Variants in RBFOX1 observed in about 807,000 individuals in gnomAD.
RBFOX1 encodes RNA binding protein fox-1 homolog 1.
In RBFOX1, 8 loss-of-function variants were observed where a neutral mutation model predicts 57.7. The observed-to-expected ratio is 0.14, with a 90% CI of 0.08 to 0.25. The LOEUF is 0.25. RBFOX1 is among the 10% of genes least tolerant of loss of function. The pLI is 1.00. For missense variants in RBFOX1, 611 were observed against 548.5 expected (o/e 1.11, Z -1.14); for synonymous variants, 326 against 222.4 (o/e 1.47, Z -4.15).
chr16:6,994,753 T>C (rs765253406), intron 3 of RBFOX1, among the ~76,000 whole-genome samples: 13 of 152,224 alleles, frequency 8.5e-5, no homozygotes, highest in East Asian at 1.9e-4. Flanking sequence ...AAATGTGTTA[T>C]TATGTTATGC....
At chr16:7,009,261 C>G (rs200559426) in intron 3 of RBFOX1, among the ~76,000 whole-genome samples, 83 of 137,402 alleles carry the variant, frequency 6.0e-4, no homozygotes, top group Admixed American at 1.8e-3. Context: ...TCCTTCCTCT[C>G]CTTCCTCTTC....
At chr16:7,066,736 A>G (rs2056141440) in intron 4 of RBFOX1, among the ~76,000 whole-genome samples, 1 of 152,192 alleles carries the variant, frequency 6.6e-6, no homozygotes, top group Admixed American at 6.5e-5. Flanking sequence ...GGTGGTTGAA[A>G]TCATTTCTTC....
At chr16:7,697,156 G>T (rs1404538259) in intron 14 of RBFOX1, among the ~76,000 whole-genome samples, 1 of 152,218 alleles carries the variant, frequency 6.6e-6, no homozygotes, top group Non-Finnish European at 1.5e-5. Context: ...CAGCACCGAA[G>T]GGCAATGGGG....
rs555318884 is a variant in RBFOX1, at chr16:7,526,745, C to T, written c.270+8356C>T. 3.3e-5 allele frequency among the ~76,000 whole-genome samples: 5 copies of T among 152,330 alleles called. No homozygotes were observed. The South Asian group carries it at 1.0e-3, about 32-fold the overall frequency. On this transcript the variant is annotated intron_variant, in intron 5 of 15. Coordinates refer to ENST00000550418, the MANE Select transcript of RBFOX1 (RefSeq NM_018723.4). Reference sequence around the variant, plus strand: ...CTATATTTTAAGCACTTTCCATGCACAATCTCAACTAATCTTGGCCCTCCC... The same window carrying T: ...CTATATTTTAAGCACTTTCCATGCATAATCTCAACTAATCTTGGCCCTCCC...
At chr16:5,251,885 A>G (rs1413097757) in intron 1 of RBFOX1, among the ~76,000 whole-genome samples, 2 of 152,030 alleles carry the variant, frequency 1.3e-5, no homozygotes, top group Non-Finnish European at 1.5e-5. Flanking sequence ...AATGGAATTA[A>G]CTTCAAGTTT....
chr16:6,778,110 C>T (rs531733488), intron 3 of RBFOX1, among the ~76,000 whole-genome samples: 1 of 152,032 alleles, frequency 6.6e-6, no homozygotes, highest in East Asian at 1.9e-4. Flanking sequence ...GTTGCGAATA[C>T]ATGATCTGGA....
intron 3 of RBFOX1, among the ~76,000 whole-genome samples, chr16:5,623,932 A>T (rs907319100): frequency 2.0e-5 from 3 of 152,214 alleles, no homozygotes; most frequent in Non-Finnish European, 2.9e-5. Flanking sequence ...GAGTTGTGCC[A>T]ACATCAGCAC....
chr16:7,289,608 A>G, intron 4 of RBFOX1, among the ~76,000 whole-genome samples: 1 of 152,044 alleles, frequency 6.6e-6, no homozygotes, highest in East Asian at 1.9e-4. Context: ...CTTTCATCAT[A>G]GTCATCACCA....
intron 4 of RBFOX1, among the ~76,000 whole-genome samples, chr16:5,872,434 C>T (rs1038370786): frequency 1.3e-5 from 2 of 152,116 alleles, no homozygotes; most frequent in African/African-American, 4.8e-5. Context: ...ATGAAATAAT[C>T]AATATGCAAT....
At chr16:7,486,117 CTTTTTTT>C (rs61448458) in intron 4 of RBFOX1, among the ~76,000 whole-genome samples, 2 of 77,302 alleles carry the variant, frequency 2.6e-5, no homozygotes, top group Admixed American at 1.8e-4. Flanking sequence ...GTGTTTGTGT[CTTTTTTT>C]TTTTTTTTTT....
At chr16:7,709,621 G>T (rs990715168) in intron 15 of RBFOX1, 3 of 1,532,176 alleles carry the variant, frequency 2.0e-6, no homozygotes, top group African/African-American at 1.4e-5. Context: ...TAAAGTCATA[G>T]TCGCCCAGGA....
intron 2 of RBFOX1, among the ~76,000 whole-genome samples, chr16:6,530,626 A>G (rs999223179): frequency 6.6e-6 from 1 of 152,174 alleles, no homozygotes; most frequent in African/African-American, 2.4e-5. Flanking sequence ...GAATGGATTC[A>G]CAATTCCACA....
intron 3 of RBFOX1, among the ~76,000 whole-genome samples, chr16:6,674,575 G>C (rs2154114565): frequency 6.6e-6 from 1 of 152,260 alleles, no homozygotes; most frequent in East Asian, 1.9e-4. Flanking sequence ...ACCCACCTCA[G>C]CCTCCCAAAG....
chr16:6,732,412 C>T (rs2068863500), intron 3 of RBFOX1, among the ~76,000 whole-genome samples: 1 of 152,200 alleles, frequency 6.6e-6, no homozygotes, highest in Non-Finnish European at 1.5e-5. Context: ...CCTCTCTGGC[C>T]CAAGCACCTG....
intron 2 of RBFOX1, among the ~76,000 whole-genome samples, chr16:6,586,680 A>G (rs979515659): frequency 6.6e-6 from 1 of 152,168 alleles, no homozygotes; most frequent in Non-Finnish European, 1.5e-5. Context: ...GATGGCTTCC[A>G]GCAGGGATAC....
At chr16:6,852,072 C>G (rs973481814) in intron 3 of RBFOX1, among the ~76,000 whole-genome samples, 2 of 151,938 alleles carry the variant, frequency 1.3e-5, no homozygotes, top group East Asian at 1.9e-4. Flanking sequence ...ACTACAGGCA[C>G]CTGCCACCAC....
chr16:5,598,823 C>T (rs1218368349), intron 2 of RBFOX1: 1 of 1,101,994 alleles, frequency 9.1e-7, no homozygotes, highest in Admixed American at 2.7e-5. Flanking sequence ...TTGTGCTAAA[C>T]TGGGTTACTC....
intron 4 of RBFOX1, among the ~76,000 whole-genome samples, chr16:7,307,631 A>T (rs1480151454): frequency 6.6e-6 from 1 of 152,168 alleles, no homozygotes; most frequent in Admixed American, 6.5e-5. Flanking sequence ...CCAAGATGTT[A>T]CTACAGTTTA....
intron 2 of RBFOX1, among the ~76,000 whole-genome samples, chr16:6,593,640 T>C (rs1465981141): frequency 6.6e-6 from 1 of 152,162 alleles, no homozygotes; most frequent in Non-Finnish European, 1.5e-5. Flanking sequence ...AGTGCCCTGT[T>C]CATTTGTTTT....
Sources: gnomAD v4.1 joint callset for allele counts (sites outside exome capture counted in the v4.1 genomes callset) on GRCh38, gnomAD v4.1.1 for gene constraint, MANE v1.5 for transcripts, NCBI Gene and HGNC (gene_info 2026-07-23, HGNC 2026-07-21) for gene names.